ADARB1: variants seen among roughly 807,000 people sequenced by gnomAD.
ADARB1 encodes double-stranded RNA-specific editase 1.
A neutral mutation model predicts 52.4 loss-of-function variants in ADARB1; 10 were observed. That is an observed-to-expected ratio of 0.19 (90% CI 0.12 to 0.32). ADARB1 has a LOEUF of 0.32. Ranked by LOEUF, ADARB1 falls within the 10% of genes least tolerant of loss-of-function variation. The pLI, the probability that ADARB1 is intolerant of heterozygous loss-of-function variation, is 1.00. For synonymous variants in ADARB1, 349 were observed against 371.1 expected, an observed-to-expected ratio of 0.94 and a Z score of 0.68; for missense variants, 643 against 922.3, an observed-to-expected ratio of 0.70 and a Z score of 3.92.
At chr21:45,167,362 G>A (rs530447195) in intron 2 of ADARB1, among the ~76,000 whole-genome samples, 128 of 152,330 alleles carry the variant, frequency 8.4e-4, no homozygotes, top group Non-Finnish European at 1.7e-3. Flanking sequence ...AGAAATCTGA[G>A]AGAAGTCAGC....
At chr21:45,095,649 G>A (rs577191697) in intron 1 of ADARB1, among the ~76,000 whole-genome samples, 1 of 152,258 alleles carries the variant, frequency 6.6e-6, no homozygotes, top group Admixed American at 6.5e-5. Context: ...GGCTCCTTGG[G>A]TCATGTCTCC....
At chr21:45,215,711 T>G (rs529554528) in intron 9 of ADARB1, among the ~76,000 whole-genome samples, 1 of 152,374 alleles carries the variant, frequency 6.6e-6, no homozygotes, top group South Asian at 2.1e-4. Flanking sequence ...TATATGGTTA[T>G]TATGTGCTAT....
intron 1 of ADARB1, among the ~76,000 whole-genome samples, chr21:45,097,384 C>T (rs1179524514): frequency 6.6e-6 from 1 of 151,976 alleles, no homozygotes; most frequent in Non-Finnish European, 1.5e-5. Flanking sequence ...GATACCGAGG[C>T]CCTGTGTGAT....
intron 8 of ADARB1, among the ~76,000 whole-genome samples, chr21:45,192,409 C>T (rs1009067953): frequency 1.1e-4 from 17 of 152,198 alleles, no homozygotes; most frequent in African/African-American, 3.4e-4. Flanking sequence ...TAAGAGGTGA[C>T]GTCTCTGTCC....
intron 9 of ADARB1, among the ~76,000 whole-genome samples, chr21:45,217,276 G>T (rs1008860436): frequency 2.0e-5 from 3 of 151,714 alleles, no homozygotes; most frequent in African/African-American, 7.3e-5. Flanking sequence ...TATGTTCTTT[G>T]TTCACTTTTT....
In ADARB1 at chr21:45,078,648, G is replaced by A. The variant is rs575208538; in HGVS notation, c.-220+3855G>A. 2.6e-5 allele frequency among the ~76,000 whole-genome samples: 4 copies of A among 152,350 alleles called. No homozygotes were observed. In the South Asian group the frequency reaches 6.2e-4, roughly 24 times the overall value. On this transcript the variant is annotated intron_variant, in intron 1 of 10. Coordinates refer to ENST00000348831, the MANE Select transcript of ADARB1 (RefSeq NM_001112.4). ...GCCATTGCTGCCAGAGAGGCTGGGC[G>A]AGTGGTAGGAAGTGAGATGGGAGTG...
chr21:45,123,274 CGTGTGTGT>C (rs10647195), intron 1 of ADARB1, among the ~76,000 whole-genome samples: 12 of 149,094 alleles, frequency 8.0e-5, no homozygotes, highest in East Asian at 2.0e-4. Flanking sequence ...ATATATACTA[CGTGTGTGT>C]GTGTGTGTGT....
At chr21:45,190,068 C>G (rs1291911365) in intron 8 of ADARB1, among the ~76,000 whole-genome samples, 1 of 152,030 alleles carries the variant, frequency 6.6e-6, no homozygotes, top group Non-Finnish European at 1.5e-5. Context: ...TTCTGGTATT[C>G]CTAGAATACT....
intron 2 of ADARB1, among the ~76,000 whole-genome samples, chr21:45,154,599 A>G (rs1393286564): frequency 6.6e-6 from 1 of 152,216 alleles, no homozygotes; most frequent in African/African-American, 2.4e-5. Flanking sequence ...AGTTGGCTTC[A>G]GTGGCAATAT....
At chr21:45,215,985 AT>A (rs1205455946) in intron 9 of ADARB1, among the ~76,000 whole-genome samples, 1 of 152,048 alleles carries the variant, frequency 6.6e-6, no homozygotes, top group Admixed American at 6.5e-5. Flanking sequence ...ACTACAATTT[AT>A]TTTTCTATAA....
At chr21:45,140,493 G>A (rs1254417253) in intron 2 of ADARB1, among the ~76,000 whole-genome samples, 1 of 152,180 alleles carries the variant, frequency 6.6e-6, no homozygotes, top group Non-Finnish European at 1.5e-5. Context: ...GCTGTGGTGT[G>A]GAGCGTTGAG....
intron 2 of ADARB1, among the ~76,000 whole-genome samples, chr21:45,158,430 T>C (rs1472003554): frequency 1.3e-5 from 2 of 152,108 alleles, no homozygotes; most frequent in African/African-American, 4.8e-5. Flanking sequence ...AACACATAAT[T>C]TGTTAGGTGT....
chr21:45,225,557 GA>G lies in ADARB1; in HGVS notation c.*3361del. On this transcript the variant is annotated 3_prime_UTR_variant, in exon 11 of 11. Transcript: ENST00000348831. ...TGTAATCTCACACAGGTACACTGAGGAGGGGACGGCTCCGTCTTCACATTGT... is the reference window on the plus strand; with the variant it reads ...TGTAATCTCACACAGGTACACTGAGGGGGGACGGCTCCGTCTTCACATTGT... The G allele has an allele frequency of 6.0e-6, 8 of 1,339,890 alleles. No individual in the cohort carries two copies. Among genetic ancestry groups the G allele is most frequent in the Non-Finnish European group, 7.7e-6 (8 of 1,033,282 alleles). The allele number at this position is 1,339,890 out of a possible 1,614,324, so 83.0% of individuals were successfully genotyped here.
chr21:45,102,023 T>G (rs939116703), intron 1 of ADARB1, among the ~76,000 whole-genome samples: 1 of 152,164 alleles, frequency 6.6e-6, no homozygotes, highest in Non-Finnish European at 1.5e-5. Flanking sequence ...TAGCTGGGAC[T>G]GTGGGGCTAC....
intron 2 of ADARB1, among the ~76,000 whole-genome samples, chr21:45,135,688 G>C (rs933263855): frequency 1.3e-5 from 2 of 152,244 alleles, no homozygotes; most frequent in Non-Finnish European, 2.9e-5. Context: ...TGCGAGAAAG[G>C]CTTTCTGGAA....
chr21:45,096,591 A>G (rs2086770811), intron 1 of ADARB1, among the ~76,000 whole-genome samples: 1 of 152,248 alleles, frequency 6.6e-6, no homozygotes, highest in South Asian at 2.1e-4. Flanking sequence ...TCCAGAAGGA[A>G]CTGCTCTTGT....
chr21:45,098,556 A>C (rs1035097414), intron 1 of ADARB1, among the ~76,000 whole-genome samples: 3 of 152,214 alleles, frequency 2.0e-5, no homozygotes, highest in African/African-American at 7.2e-5. Flanking sequence ...CCCCTGGAAC[A>C]AAACTGTTGA....
At chr21:45,137,144 G>A (rs1746467900) in intron 2 of ADARB1, 1 of 152,234 alleles carries the variant, frequency 6.6e-6, no homozygotes, top group South Asian at 2.1e-4. Flanking sequence ...AGACTGGTGT[G>A]TGTGTAAAAG....
At chr21:45,127,183 AG>A (rs1336741099) in intron 1 of ADARB1, among the ~76,000 whole-genome samples, 7 of 152,066 alleles carry the variant, frequency 4.6e-5, no homozygotes, top group Non-Finnish European at 1.0e-4. Flanking sequence ...GACTGAGTGG[AG>A]GCAACGCTGA....
Sources: gnomAD v4.1 joint callset for allele counts (sites outside exome capture counted in the v4.1 genomes callset) on GRCh38, gnomAD v4.1.1 for gene constraint, MANE v1.5 for transcripts, NCBI Gene and HGNC (gene_info 2026-07-23, HGNC 2026-07-21) for gene names.